FASTKD2: variants seen among roughly 807,000 people sequenced by gnomAD.
FASTKD2 encodes FAST kinase domains 2.
In FASTKD2, 51 loss-of-function variants were observed where a neutral mutation model predicts 63.6. The observed-to-expected ratio is 0.80, with a 90% CI of 0.64 to 1.01. The LOEUF (loss-of-function observed/expected upper bound fraction) is 1.01. Ranked by LOEUF, FASTKD2 falls within the 50% of genes least tolerant of loss-of-function variation. The probability of loss-of-function intolerance (pLI) is 0.00; values close to 1 mark genes in which losing one functional copy is unlikely to be tolerated. For synonymous variants in FASTKD2, 284 were observed against 293.4 expected, an observed-to-expected ratio of 0.97 and a Z score of 0.33; for missense variants, 786 against 831.1, an observed-to-expected ratio of 0.95 and a Z score of 0.67.
At position 206,766,792 on chromosome 2, in the gene FASTKD2, A is replaced by C. The variant is rs768701270; in HGVS notation, c.99A>C (p.Thr33=). The change falls in exon 2 of 12, where the codon ACA becomes ACC. Residue 33 remains threonine (T), a synonymous_variant. Transcript: ENST00000402774. ...SFFWNLRQFS[T]LVSTSRTMRL... ...TCTGGAACCTTAGACAATTCAGTACATTAGTTTCAACAAGCAGAACTATGA... is the reference window on the plus strand; with the variant it reads ...TCTGGAACCTTAGACAATTCAGTACCTTAGTTTCAACAAGCAGAACTATGA... The C allele has an allele frequency of 1.2e-6, 2 of 1,613,358 alleles. No homozygotes were observed. Among genetic ancestry groups the C allele is most frequent in the Non-Finnish European group, 1.7e-6 (2 of 1,179,570 alleles).
intron 1 of FASTKD2, 93 bp downstream of exon 1, chr2:206,765,840 G>A (rs568826761): frequency 6.5e-6 from 1 of 152,848 alleles, no homozygotes; most frequent in Admixed American, 6.5e-5. Flanking sequence ...AGGCTGGCTG[G>A]TTGTATAAGA....
chr2:206,768,926 G>A (rs757187807), intron 2 of FASTKD2, among the ~76,000 whole-genome samples: 10 of 152,166 alleles, frequency 6.6e-5, no homozygotes, highest in African/African-American at 2.2e-4. Context: ...TTTGTAGGCT[G>A]TGTATTAGTT....
At position 206,771,179 on chromosome 2, in the gene FASTKD2, C is replaced by T. The variant is rs41272661; in HGVS notation, c.882-3C>T. The T allele has an allele frequency of 4.9e-4, 735 of 1,488,000 alleles. No individual in the cohort carries two copies. Among genetic ancestry groups the T allele is most frequent in the Non-Finnish European group, 6.6e-4 (703 of 1,065,558 alleles). 92.2% of individuals were successfully genotyped at this position (1,488,000 alleles called of 1,614,324 possible). A position where few individuals can be genotyped will look rare whatever the true frequency, so the allele number is the denominator to read the frequency against. On this transcript the variant is annotated splice_region_variant and splice_polypyrimidine_tract_variant and intron_variant, in intron 3 of 11. Transcript: ENST00000402774. ...TTTTAATATTTATTGTGTTTGATAACAGAATACTAGTTGATCAGCAAGTTT... is the reference window on the plus strand; with the variant it reads ...TTTTAATATTTATTGTGTTTGATAATAGAATACTAGTTGATCAGCAAGTTT...
intron 9 of FASTKD2, 71 bp from the exon 10 acceptor site, chr2:206,788,748 A>AG: frequency 1.3e-6 from 1 of 771,894 alleles, no homozygotes; most frequent in South Asian, 1.6e-5. Context: ...AAAAAAAAAA[A>AG]GGAAAAGAAA....
intron 7 of FASTKD2, among the ~76,000 whole-genome samples, chr2:206,777,602 G>A (rs547049216): frequency 2.0e-5 from 3 of 152,202 alleles, no homozygotes; most frequent in Non-Finnish European, 4.4e-5. Context: ...CAGGGATATT[G>A]GCCTGTAGCT....
At chr2:206,788,731 C>G (rs79202392) in intron 9 of FASTKD2, 88 bp from the exon 10 acceptor site, 1 of 478,172 alleles carries the variant, frequency 2.1e-6, no homozygotes, top group Non-Finnish European at 3.6e-6. Context: ...GACCACATCT[C>G]AAAAAAAAAA....
At chr2:206,770,887 TAGTG>T (rs1457969616) in intron 3 of FASTKD2, among the ~76,000 whole-genome samples, 1 of 152,182 alleles carries the variant, frequency 6.6e-6, no homozygotes, top group African/African-American at 2.4e-5. Flanking sequence ...TGTCATAGAT[TAGTG>T]AGAGTAAAAC....
In FASTKD2 at chr2:206,791,109, G is replaced by T. The variant is rs144148580; in HGVS notation, c.2013+423G>T. The T allele has an allele frequency of 1.4e-4, 32 of 222,418 alleles. No individual in the cohort carries two copies. The East Asian group carries it at 3.6e-3, about 25-fold the overall frequency. The allele number at this position is 222,418 out of a possible 1,614,324, so 13.8% of individuals were successfully genotyped here. A position where few individuals can be genotyped will look rare whatever the true frequency, so the allele number is the denominator to read the frequency against. ...AGAAAAGGCTGGATGGTTTTAAGAA[G>T]ATGGGTCTTTCTCTTCCCTCTTATG... On this transcript the variant is annotated intron_variant, in intron 11 of 11. Transcript: ENST00000402774.
intron 7 of FASTKD2, among the ~76,000 whole-genome samples, chr2:206,785,341 G>A (rs1028688912): frequency 6.6e-6 from 1 of 152,178 alleles, no homozygotes; most frequent in Non-Finnish European, 1.5e-5. Context: ...ATGCCAGCCT[G>A]GTGAAGAGGA....
At chr2:206,783,021 T>C (rs1339195856) in intron 7 of FASTKD2, among the ~76,000 whole-genome samples, 3 of 152,052 alleles carry the variant, frequency 2.0e-5, no homozygotes, top group Admixed American at 1.3e-4. Flanking sequence ...TTGCTTTCCT[T>C]TTAGTTTTCC....
rs1213803853 is a variant in FASTKD2 at position 206,795,881 on chromosome 2, A to C, written c.*4079A>C. On this transcript the variant is annotated 3_prime_UTR_variant, in exon 12 of 12. Coordinates refer to ENST00000402774, the MANE Select transcript of FASTKD2 (RefSeq NM_001136193.2). ...GGCTCTGGAGCCAGCAATGGGCAGC[A>C]TCTTCATGACTTTCCAGCTTCCAGG... 6.6e-6 allele frequency among the ~76,000 whole-genome samples: 1 copy of C among 152,206 alleles called. No homozygotes were observed. Among genetic ancestry groups the C allele is most frequent in the East Asian group, 1.9e-4 (1 of 5,194 alleles).
rs1690353390 is a variant in FASTKD2 at position 206,793,442 on chromosome 2, C to T, written c.*1640C>T. 1.3e-5 allele frequency among the ~76,000 whole-genome samples: 2 copies of T among 152,084 alleles called. No homozygotes were observed. The highest frequency in any genetic ancestry group is 4.8e-5 in the African/African-American group (2 of 41,428). ...AGTCTCAGCTATGCCATTGGTTCCA[C>T]ATCATTTCATCCTCACCTGCTCTTC... On this transcript the variant is annotated 3_prime_UTR_variant, in exon 12 of 12. Coordinates refer to ENST00000402774, the MANE Select transcript of FASTKD2 (RefSeq NM_001136193.2).
At position 206,793,146 on chromosome 2, in the gene FASTKD2, C is replaced by T. The variant is rs1469466887; in HGVS notation, c.*1344C>T. ...CTGAGGCAGGGGAATCGCTTGAACC[C>T]GGGAGGTGGAGATTGCAGTGAGCCA... On this transcript the variant is annotated 3_prime_UTR_variant, in exon 12 of 12. Coordinates refer to ENST00000402774, the MANE Select transcript of FASTKD2 (RefSeq NM_001136193.2). 1.4e-5 allele frequency among the ~76,000 whole-genome samples: 2 copies of T among 141,826 alleles called. No homozygotes were observed. The highest frequency in any genetic ancestry group is 2.3e-4 in the South Asian group (1 of 4,412). The allele number at this position is 141,826 out of a possible 152,430, so 93.0% of individuals were successfully genotyped here. A position where few individuals can be genotyped will look rare whatever the true frequency, so the allele number is the denominator to read the frequency against.
rs1290908149 is a variant in FASTKD2 at position 206,795,996 on chromosome 2, C to T, written c.*4194C>T. 6.6e-6 allele frequency among the ~76,000 whole-genome samples: 1 copy of T among 152,138 alleles called. No individual in the cohort carries two copies. The highest frequency in any genetic ancestry group is 2.4e-5 in the African/African-American group (1 of 41,434). On this transcript the variant is annotated 3_prime_UTR_variant, in exon 12 of 12. Transcript: ENST00000402774. ...CTGGAAGTCAGACTAAAGGCTGCTCCTTCAGCCTTTCCATTCATCTTGTAA... is the reference window on the plus strand; with the variant it reads ...CTGGAAGTCAGACTAAAGGCTGCTCTTTCAGCCTTTCCATTCATCTTGTAA...
intron 7 of FASTKD2, among the ~76,000 whole-genome samples, chr2:206,778,810 T>A (rs574699760): frequency 6.6e-6 from 1 of 152,154 alleles, no homozygotes; most frequent in South Asian, 2.1e-4. Context: ...TAGGTTCTCA[T>A]AGGCGCGTGA....
intron 10 of FASTKD2, 152 bp from the exon 11 acceptor site, chr2:206,790,420 G>C (rs1387201761): frequency 1.5e-6 from 1 of 663,356 alleles, no homozygotes; most frequent in Non-Finnish European, 2.8e-6. Flanking sequence ...TATCTGCAGA[G>C]GCCAAGTAAA....
chr2:206,790,490 G>A, intron 10 of FASTKD2, 82 bp from the exon 11 acceptor site: 2 of 878,184 alleles, frequency 2.3e-6, no homozygotes, highest in African/African-American at 1.6e-5. Context: ...GCTCAACTTG[G>A]AAATCTCCAG....
At chr2:206,781,754 G>A (rs1354837666) in intron 7 of FASTKD2, among the ~76,000 whole-genome samples, 2 of 149,372 alleles carry the variant, frequency 1.3e-5, no homozygotes, top group African/African-American at 4.9e-5. Flanking sequence ...CGGGGACATA[G>A]ATGCTCCTCT....
At chr2:206,778,994 T>G (rs561909637) in intron 7 of FASTKD2, among the ~76,000 whole-genome samples, 2 of 152,298 alleles carry the variant, frequency 1.3e-5, no homozygotes, top group Admixed American at 6.5e-5. Flanking sequence ...CTTTGTTTTC[T>G]TACTGATTTT....
Sources: allele counts gnomAD v4.1 joint callset (sites outside exome capture counted in the v4.1 genomes callset), GRCh38; gene constraint gnomAD v4.1.1; transcripts MANE v1.5; gene names NCBI Gene and HGNC (gene_info 2026-07-23, HGNC 2026-07-21).